GSDMD: variants seen among roughly 807,000 people sequenced by gnomAD.
GSDMD encodes the protein gasdermin D, also known as gasdermin-D.
GSDMD carries 46 observed loss-of-function variants against 46.7 expected under a neutral mutation model. The observed-to-expected ratio is 0.99, with a 90% CI of 0.78 to 1.26. The LOEUF (loss-of-function observed/expected upper bound fraction) is 1.26, where lower values mean the gene tolerates loss of function less well. Among genes scored for constraint, GSDMD ranks in the 50% most tolerant of loss-of-function variants. The pLI, the probability that GSDMD is intolerant of heterozygous loss-of-function variation, is 0.00. For missense variants in GSDMD, 649 were observed against 638.8 expected, an observed-to-expected ratio of 1.02 and a Z score of -0.17; for synonymous variants, 307 against 283.1, an observed-to-expected ratio of 1.08 and a Z score of -0.85.
At position 143,562,250 on chromosome 8, in the gene GSDMD, C is replaced by T. The variant is rs748392327; in HGVS notation, c.1038C>T (p.Asp346=). ...GQSLGPVEPL[D]GPAGAVLECL... is the part of the protein sequence containing the mutation. ...GCCTTGGGCCGGTGGAGCCCCTGGACGGTCCAGCAGGTGCTGTCCTGGAGT... is the reference window on the plus strand; with the variant it reads ...GCCTTGGGCCGGTGGAGCCCCTGGATGGTCCAGCAGGTGCTGTCCTGGAGT... The change falls in exon 9 of 11, where the codon GAC becomes GAT. Residue 346 remains aspartate (D), a synonymous_variant. Coordinates refer to ENST00000262580, the MANE Select transcript of GSDMD (RefSeq NM_024736.7). 20 of 1,561,490 alleles carry T rather than the reference C, an allele frequency of 1.3e-5. No homozygotes were observed. The highest frequency in any genetic ancestry group is 1.1e-4 in the Admixed American group (6 of 52,656).
In GSDMD at chr8:143,560,369, G is replaced by A. The variant is rs1031735792; in HGVS notation, c.411-234G>A. 1.1e-4 allele frequency: 71 copies of A among 646,102 alleles called. 1 individual carries two copies. In the Admixed American group the frequency reaches 1.7e-3, roughly 15 times the overall value. 40.0% of individuals were successfully genotyped at this position (646,102 alleles called of 1,614,324 possible). On this transcript the variant is annotated intron_variant, in intron 3 of 10. Coordinates refer to ENST00000262580, the MANE Select transcript of GSDMD (RefSeq NM_024736.7). Reference sequence around the variant, plus strand: ...GGACAAGGGGTGGTGTGAACACGGGGGCCCAGGTGAGGGGGCCGCACCTCG... The same window carrying A: ...GGACAAGGGGTGGTGTGAACACGGGAGCCCAGGTGAGGGGGCCGCACCTCG...
At chr8:143,558,783 C>T (rs2130564226) in intron 1 of GSDMD, 1 of 602,586 alleles carries the variant, frequency 1.7e-6, no homozygotes. Context: ...AGCTGCAGCC[C>T]CTCCACAGTG....
At chr8:143,558,865 T>C (rs1166348638) in intron 1 of GSDMD, 2 of 504,842 alleles carry the variant, frequency 4.0e-6, no homozygotes, top group South Asian at 3.1e-5. Context: ...CTTGGACAGG[T>C]GGCTCATGGA....
At position 143,560,982 on chromosome 8, in the gene GSDMD, A is replaced by G; in HGVS notation, c.580-20A>G. 6.3e-7 allele frequency: 1 copy of G among 1,598,090 alleles called. No homozygotes were observed. Among genetic ancestry groups the G allele is most frequent in the Non-Finnish European group, 8.6e-7 (1 of 1,169,080 alleles). On this transcript the variant is annotated intron_variant, in intron 4 of 10. Coordinates refer to ENST00000262580, the MANE Select transcript of GSDMD (RefSeq NM_024736.7). The stretch of plus-strand genomic sequence containing the variant: ...GGCCCGGTGCCAGGGCCCAGCCCCG[A>G]GCCCATCTCCATGCCTCAGGGTGAG...
rs113592517 is a variant in GSDMD at position 143,559,545 on chromosome 8, G to A, written c.210G>A (p.Ala70=). 53 of 1,612,070 alleles carry A rather than the reference G, an allele frequency of 3.3e-5. 1 individual carries two copies. The highest frequency in any genetic ancestry group is 3.3e-4 in the Middle Eastern group (2 of 6,058). The part of the protein sequence containing the change: ...SIKDILEPDA[A]EPDVQRGRSF... ...AGGACATCCTGGAGCCGGATGCCGC[G>A]GAACCAGGTGCCTGATGTGGTGCTG... The change falls in exon 2 of 11, where the codon GCG becomes GCA. Residue 70 remains alanine (A), a synonymous_variant. Transcript: ENST00000262580.
At position 143,560,602 on chromosome 8, in the gene GSDMD, G is replaced by A; in HGVS notation, c.411-1G>A. On this transcript the variant is annotated splice_acceptor_variant, in intron 3 of 10. Coordinates refer to ENST00000262580, the MANE Select transcript of GSDMD (RefSeq NM_024736.7). LOFTEE classifies it high-confidence loss of function. The stretch of plus-strand genomic sequence containing the variant: ...CGAGCTTTGCTGCTCCTCGGACACA[G>A]GCACCTGCGGCAGCCAGAACACAAA... 1 of 1,578,264 alleles carries A rather than the reference G, an allele frequency of 6.3e-7. No homozygotes were observed.
Position 143,559,391 on chromosome 8 carries a change from G to A in GSDMD, c.56G>A (p.Gly19Asp). Residue 19 changes from glycine to aspartate, a missense_variant, in exon 2 of 11, where the codon GGT becomes GAT. By Grantham distance (94) the Gly-to-Asp change is moderately conservative (BLOSUM62 -1). Coordinates refer to ENST00000262580, the MANE Select transcript of GSDMD (RefSeq NM_024736.7). Reference sequence around the variant, plus strand: ...AGAGTGGTCCAGGAGCTGGACCATGGTGGGGAGTTCATCCCTGTGACCAGC... The same window carrying A: ...AGAGTGGTCCAGGAGCTGGACCATGATGGGGAGTTCATCCCTGTGACCAGC... ...VRRVVQELDH[G>D]GEFIPVTSLQ... 1 of 1,612,942 alleles carries A rather than the reference G, an allele frequency of 6.2e-7. No individual in the cohort carries two copies.
In GSDMD at chr8:143,561,048, C is replaced by T; in HGVS notation, c.626C>T (p.Pro209Leu). The change falls in exon 5 of 11, where the codon CCC becomes CTC. Residue 209 changes from proline to leucine, a missense_variant. By Grantham distance (98) the Pro-to-Leu change is moderately conservative (BLOSUM62 -3). Coordinates refer to ENST00000262580, the MANE Select transcript of GSDMD (RefSeq NM_024736.7). ...HLSQKKTVTI[P>L]SGSTLAFRVA... ...AGCCAGAAGAAGACGGTCACCATCC[C>T]CTCAGGCAGCACCCTCGCATTCCGG... The T allele has an allele frequency of 1.2e-6, 2 of 1,613,170 alleles. No homozygotes were observed. The highest frequency in any genetic ancestry group is 8.5e-7 in the Non-Finnish European group (1 of 1,179,990).
chr8:143,562,752 G>T lies in GSDMD; in HGVS notation c.1303G>T (p.Gly435Ter), dbSNP rs1291391810. 1 of 1,586,958 alleles carries T rather than the reference G, an allele frequency of 6.3e-7. No homozygotes were observed. The highest frequency in any genetic ancestry group is 8.6e-7 in the Non-Finnish European group (1 of 1,166,878). Residue 435 changes from glycine to a stop codon, truncating the protein, a stop_gained, in exon 11 of 11, where the codon GGA becomes TGA. Coordinates refer to ENST00000262580, the MANE Select transcript of GSDMD (RefSeq NM_024736.7). LOFTEE classifies it low-confidence loss of function (END_TRUNC). ...GCTCCTGGGGAACAGCTGGGGCGAA[G>T]GAGCACCGGCCTGGGTCTTGCTGGA... ...PGLLGNSWGE[G>*]APAWVLLDEC...
rs1823472045 is a variant in GSDMD, at chr8:143,561,956, C to T, written c.824-3C>T. On this transcript the variant is annotated splice_region_variant and splice_polypyrimidine_tract_variant and intron_variant, in intron 7 of 10. Transcript: ENST00000262580. Reference sequence around the variant, plus strand: ...GGCAGTGCCAGCCCTTCTGTCCCTACAGATGGGGTCCCTGCGGAGGGGGCG... The same window carrying T: ...GGCAGTGCCAGCCCTTCTGTCCCTATAGATGGGGTCCCTGCGGAGGGGGCG... 3 of 1,608,602 alleles carry T rather than the reference C, an allele frequency of 1.9e-6. No individual in the cohort carries two copies. Among genetic ancestry groups the T allele is most frequent in the East Asian group, 4.5e-5 (2 of 44,824 alleles).
intron 2 of GSDMD, 51 bp from the exon 3 acceptor site, chr8:143,559,726 C>T (rs767569486): frequency 9.2e-6 from 12 of 1,303,364 alleles, no homozygotes; most frequent in Admixed American, 2.1e-5. Context: ...CTGGTGGGGG[C>T]GGGGGAGAGG....
At chr8:143,553,545 G>T (rs945777590), upstream of GSDMD, 3 of 146,854 alleles carry the variant, frequency 2.0e-5, 1 homozygote, top group African/African-American at 7.3e-5. Context: ...CGACCCAGGG[G>T]ACGGAGGCGC....
chr8:143,560,594 C>CGGACACA lies in GSDMD; in HGVS notation c.411-6_411dup. ...CGGCCCAGCGAGCTTTGCTGCTCCT[C>CGGACACA]GGACACAGGCACCTGCGGCAGCCAG... On this transcript the variant is annotated splice_polypyrimidine_tract_variant and intron_variant, in intron 3 of 10. Transcript: ENST00000262580. 6.4e-7 allele frequency: 1 copy of CGGACACA among 1,573,098 alleles called. No homozygotes were observed.
chr8:143,561,787 CT>C lies in GSDMD; in HGVS notation c.783del (p.Gly262AlafsTer4). On this transcript the variant is annotated frameshift_variant, in exon 7 of 11. Coordinates refer to ENST00000262580, the MANE Select transcript of GSDMD (RefSeq NM_024736.7). LOFTEE classifies it high-confidence loss of function. Reference protein sequence around the residue: ...TSEGAWPQLPSGLSMMRCLHN... With the variant: ...TSEGAWPQLPXGLSMMRCLHN... ...GAAGGCGCCTGGCCACAGCTGCCCTCTGGCCTCTCCATGATGAGGTGCCTCC... is the reference window on the plus strand; with the variant it reads ...GAAGGCGCCTGGCCACAGCTGCCCTCGGCCTCTCCATGATGAGGTGCCTCC... 6.2e-7 allele frequency: 1 copy of C among 1,610,718 alleles called. No homozygotes were observed. The highest frequency in any genetic ancestry group is 2.2e-5 in the East Asian group (1 of 44,732).
At chr8:143,561,706 C>T in intron 6 of GSDMD, 36 bp from the exon 7 acceptor site, 6 of 1,543,064 alleles carry the variant, frequency 3.9e-6, no homozygotes, top group Non-Finnish European at 5.3e-6. Flanking sequence ...CCTTCCCCGG[C>T]ACTGACCAGC....
chr8:143,562,457 A>T lies in GSDMD; in HGVS notation c.1148A>T (p.Glu383Val). ...CCTGACTCTCTCCCAGTGCTGAGTG[A>T]AACGCAGCACAAGCTGCTGGCGGAG... ...YLLGALTMLS[E>V]TQHKLLAEAL... The change falls in exon 10 of 11, where the codon GAA (glutamate) becomes GTA (valine). Residue 383 changes from glutamate to valine, a missense_variant. Glu to Val is a moderately radical substitution (Grantham distance 121). Coordinates refer to ENST00000262580, the MANE Select transcript of GSDMD (RefSeq NM_024736.7). 6.2e-7 allele frequency: 1 copy of T among 1,608,794 alleles called. No homozygotes were observed. The highest frequency in any genetic ancestry group is 8.5e-7 in the Non-Finnish European group (1 of 1,179,406).
chr8:143,557,501 A>AT (rs1823336947), upstream of GSDMD, among the ~76,000 whole-genome samples: 1 of 128,958 alleles, frequency 7.8e-6, no homozygotes, highest in Admixed American at 8.6e-5. Flanking sequence ...TGCTGCCACT[A>AT]TGGCGAAGGA....
chr8:143,558,329 G>A (rs1283153067), upstream of GSDMD: 12 of 1,522,638 alleles, frequency 7.9e-6, no homozygotes, highest in East Asian at 2.6e-5. Context: ...CGTCCTGGGC[G>A]GGCCCTGCGT....
chr8:143,554,068 G>A (rs1421674629), upstream of GSDMD, among the ~76,000 whole-genome samples: 1 of 113,422 alleles, frequency 8.8e-6, no homozygotes, highest in Non-Finnish European at 2.1e-5. Context: ...AGGCAGCGAG[G>A]CTGTACAGGG....
Sources: allele counts gnomAD v4.1 joint callset (sites outside exome capture counted in the v4.1 genomes callset), GRCh38; gene constraint gnomAD v4.1.1; transcripts MANE v1.5; gene names NCBI Gene and HGNC (gene_info 2026-07-23, HGNC 2026-07-21).